The following GLI3 variants were observed in gnomAD, a reference collection of about 807,000 sequenced individuals.
The protein encoded by GLI3 is GLI family zinc finger 3.
Under a neutral mutation model 100.8 loss-of-function variants are expected in GLI3, and 20 were observed. The observed-to-expected ratio is 0.20, with a 90% CI of 0.14 to 0.29. The LOEUF (loss-of-function observed/expected upper bound fraction) is 0.29, where lower values mean the gene tolerates loss of function less well. Ranked by LOEUF, GLI3 falls within the 10% of genes least tolerant of loss-of-function variation. GLI3 has a pLI of 1.00. For missense variants in GLI3, 2,040 were observed against 2,128.5 expected (o/e 0.96, Z 0.82); for synonymous variants, 938 against 860.5 (o/e 1.09, Z -1.58).
rs928891159 is a variant in GLI3, at chr7:42,000,986, C to A, written c.1498-22238G>T. Among the ~76,000 whole-genome samples, 20 of 151,984 alleles carry A rather than the reference C, an allele frequency of 1.3e-4. 1 individual carries two copies. The highest frequency in any genetic ancestry group is 9.8e-4 in the Admixed American group (15 of 15,276). ...GGAGGGCCGGGAGCGGTGGCTCATG[C>A]CTGTAATCCCAGCACTTTGGGAGGC... On this transcript the variant is annotated intron_variant, in intron 10 of 14. Coordinates refer to ENST00000395925, the MANE Select transcript of GLI3 (RefSeq NM_000168.6).
At chr7:42,026,580 G>T (rs1197835218) in intron 7 of GLI3, among the ~76,000 whole-genome samples, 168 bp from the exon 8 acceptor site, 1 of 152,184 alleles carries the variant, frequency 6.6e-6, no homozygotes, top group Non-Finnish European at 1.5e-5. Flanking sequence ...AGAGAAAGAT[G>T]AACACTGAGA....
intron 4 of GLI3, among the ~76,000 whole-genome samples, chr7:42,060,767 T>A (rs1444735420): frequency 6.6e-6 from 1 of 152,072 alleles, no homozygotes; most frequent in African/African-American, 2.4e-5. Flanking sequence ...AACAACTAAG[T>A]CCCTCTATGA....
intron 9 of GLI3, 21 bp from the exon 10 acceptor site, chr7:42,023,629 G>A (rs1789011987): frequency 1.9e-6 from 3 of 1,572,836 alleles, no homozygotes; most frequent in African/African-American, 1.4e-5. Flanking sequence ...AGGGTGGGGG[G>A]CAGGGAACAG....
intron 10 of GLI3, among the ~76,000 whole-genome samples, chr7:41,995,243 G>A (rs6969641): frequency 6.6e-6 from 1 of 152,032 alleles, no homozygotes; most frequent in African/African-American, 2.4e-5. Context: ...TAGGTATTAA[G>A]GTCCTTGCCA....
chr7:41,972,470 C>T lies in GLI3; in HGVS notation c.1970G>A (p.Gly657Asp). 5 of 1,613,842 alleles carry T rather than the reference C, an allele frequency of 3.1e-6. No homozygotes were observed. Among genetic ancestry groups the T allele is most frequent in the Non-Finnish European group, 4.2e-6 (5 of 1,180,010 alleles). Reference sequence around the variant, plus strand: ...AGGCGACCTGGACTGTGAATGGCTGCCGGAATCTCTCGGGGGTGGCGGCCG... The same window carrying T: ...AGGCGACCTGGACTGTGAATGGCTGTCGGAATCTCTCGGGGGTGGCGGCCG... ...HPRPPPPRDS[G>D]SHSQSRSPGR... The change falls in exon 13 of 15, where the codon GGC becomes GAC. Residue 657 changes from glycine to aspartate, a missense_variant. Physicochemically the swap from Gly to Asp is moderately conservative, Grantham distance 94 (BLOSUM62 -1). This residue lies in a region of GLI3 where 327 missense variants were observed against 338.7 expected (regional missense o/e 0.97). Transcript: ENST00000395925. This position sits in a 1 kb window ranked among gnomAD's most constrained non-coding sequence, Gnocchi z 4.4.
At chr7:41,987,574 C>A (rs929305516) in intron 10 of GLI3, among the ~76,000 whole-genome samples, 2 of 152,178 alleles carry the variant, frequency 1.3e-5, no homozygotes, top group Non-Finnish European at 2.9e-5. Flanking sequence ...TTCCTCTGTC[C>A]TCATCGTCCA....
At chr7:42,241,906 T>A (rs1284176726), upstream of GLI3, among the ~76,000 whole-genome samples, 2 of 152,198 alleles carry the variant, frequency 1.3e-5, no homozygotes, top group Non-Finnish European at 2.9e-5. Context: ...GCATGGTGGA[T>A]TTTACTCATC....
At chr7:42,042,277 G>A (rs925233102) in intron 6 of GLI3, among the ~76,000 whole-genome samples, 11 of 152,134 alleles carry the variant, frequency 7.2e-5, no homozygotes, top group Non-Finnish European at 1.3e-4. Flanking sequence ...GCCTCCCAAA[G>A]TGCTGGGATT....
intron 3 of GLI3, among the ~76,000 whole-genome samples, chr7:42,147,163 C>T (rs936870879): frequency 3.9e-5 from 6 of 152,060 alleles, no homozygotes; most frequent in Admixed American, 6.6e-5. Flanking sequence ...TTATGCGAGG[C>T]CCTTTGATCT....
intron 2 of GLI3, among the ~76,000 whole-genome samples, chr7:42,217,622 C>G (rs181583621): frequency 5.3e-5 from 8 of 152,272 alleles, no homozygotes; most frequent in Non-Finnish European, 1.2e-4. Flanking sequence ...TCCCTATTTT[C>G]CGATTTAAGA....
rs1398486441 is a variant in GLI3 at position 42,040,247 on chromosome 7, A to G, written c.827-8T>C. On this transcript the variant is annotated splice_polypyrimidine_tract_variant and splice_region_variant and intron_variant, in intron 6 of 14. Coordinates refer to ENST00000395925, the MANE Select transcript of GLI3 (RefSeq NM_000168.6). ...GGCTGGAGAATCTGGTGCCTGTTAT[A>G]TAAACAAAAAAGAACCTAATTACCT... The G allele has an allele frequency of 6.2e-7, 1 of 1,607,996 alleles. No homozygotes were observed. The highest frequency in any genetic ancestry group is 8.5e-7 in the Non-Finnish European group (1 of 1,174,594).
At chr7:42,017,908 T>G (rs1263000326) in intron 10 of GLI3, among the ~76,000 whole-genome samples, 2 of 152,366 alleles carry the variant, frequency 1.3e-5, no homozygotes, top group East Asian at 3.9e-4. Context: ...ATGTGATCTG[T>G]GCTTGGCCTT....
intron 2 of GLI3, among the ~76,000 whole-genome samples, chr7:42,191,823 A>G: frequency 6.6e-6 from 1 of 152,112 alleles, no homozygotes; most frequent in Non-Finnish European, 1.5e-5. Flanking sequence ...AGAATTAAAT[A>G]TCCTGCCCGA....
chr7:42,138,285 C>T (rs1368675495), intron 3 of GLI3, among the ~76,000 whole-genome samples: 1 of 152,212 alleles, frequency 6.6e-6, no homozygotes, highest in Non-Finnish European at 1.5e-5. Flanking sequence ...CAGGTGTCTC[C>T]AATTGTTCAC....
intron 2 of GLI3, among the ~76,000 whole-genome samples, chr7:42,208,578 G>T (rs1469663268): frequency 6.6e-6 from 1 of 152,136 alleles, no homozygotes; most frequent in African/African-American, 2.4e-5. Context: ...TAGGGGTCTG[G>T]TAATCAAAGT....
At chr7:42,180,933 A>G (rs987066037) in intron 2 of GLI3, among the ~76,000 whole-genome samples, 5 of 152,174 alleles carry the variant, frequency 3.3e-5, no homozygotes, top group African/African-American at 1.2e-4. Flanking sequence ...AGGCGTTCCA[A>G]TCGTTCACCC....
chr7:42,217,051 G>A (rs1185920367), intron 2 of GLI3, among the ~76,000 whole-genome samples: 1 of 152,214 alleles, frequency 6.6e-6, no homozygotes, highest in East Asian at 1.9e-4. Flanking sequence ...TTTGGCAGGA[G>A]CAAGTCCCAT....
chr7:42,243,900 C>A (rs746529338), intron 1 of GLI3, among the ~76,000 whole-genome samples: 1 of 152,176 alleles, frequency 6.6e-6, no homozygotes, highest in Admixed American at 6.5e-5. Context: ...GTGGTGCAAT[C>A]TCCACTCACT....
intron 7 of GLI3, among the ~76,000 whole-genome samples, chr7:42,030,489 G>A (rs145809772): frequency 2.4e-4 from 37 of 152,278 alleles, no homozygotes; most frequent in African/African-American, 8.7e-4. Flanking sequence ...CTGTAAAGCA[G>A]TATTACACAA....
Sources: allele counts gnomAD v4.1 joint callset (sites outside exome capture counted in the v4.1 genomes callset), GRCh38; gene constraint gnomAD v4.1.1; regional missense constraint gnomAD v4.1.1; non-coding constraint Gnocchi (gnomAD v3.1); transcripts MANE v1.5; gene names NCBI Gene and HGNC (gene_info 2026-07-23, HGNC 2026-07-21).